NRG3: variants seen among roughly 807,000 people sequenced by gnomAD.
NRG3 encodes pro-neuregulin-3, membrane-bound isoform.
A neutral mutation model predicts 66.9 loss-of-function variants in NRG3; 31 were observed. That is an observed-to-expected ratio of 0.46 (90% confidence interval 0.35 to 0.63). The LOEUF is 0.63. Ranked by LOEUF, NRG3 falls within the 20% of genes least tolerant of loss-of-function variation. The pLI, the probability that NRG3 is intolerant of heterozygous loss-of-function variation, is 0.00. For missense variants in NRG3, 910 were observed against 878.9 expected, an observed-to-expected ratio of 1.04 and a Z score of -0.45; for synonymous variants, 393 against 359.4, an observed-to-expected ratio of 1.09 and a Z score of -1.06.
intron 2 of NRG3, among the ~76,000 whole-genome samples, chr10:82,699,940 G>A (rs1304795539): frequency 2.6e-5 from 4 of 152,016 alleles, no homozygotes; most frequent in Non-Finnish European, 2.9e-5. Flanking sequence ...CTTGGTCTAT[G>A]CATTGACTCA....
intron 2 of NRG3, among the ~76,000 whole-genome samples, chr10:82,575,613 G>GCTC (rs1444580646): frequency 6.6e-5 from 10 of 151,612 alleles, no homozygotes; most frequent in African/African-American, 2.4e-4. Context: ...CGTTCCTTTG[G>GCTC]CACAGTTGTT....
intron 3 of NRG3, among the ~76,000 whole-genome samples, chr10:82,815,455 A>T (rs1016968228): frequency 2.0e-5 from 3 of 152,088 alleles, no homozygotes; most frequent in Admixed American, 6.6e-5. Flanking sequence ...GTTTCTTTAA[A>T]TTTTTTGTGT....
chr10:82,198,922 G>A (rs963706913), intron 1 of NRG3, among the ~76,000 whole-genome samples: 1 of 150,658 alleles, frequency 6.6e-6, no homozygotes, highest in Non-Finnish European at 1.5e-5. Flanking sequence ...GCTTGAACCC[G>A]GGAGGCGGAG....
intron 1 of NRG3, among the ~76,000 whole-genome samples, chr10:82,340,093 C>T (rs981512451): frequency 1.3e-5 from 2 of 151,944 alleles, no homozygotes; most frequent in Non-Finnish European, 2.9e-5. Flanking sequence ...TTGTTTGCAC[C>T]GTGATTTGCA....
rs73306193 is a variant in NRG3 at position 82,430,132 on chromosome 10, A to C, written c.953+71264A>C. 1.9e-3 allele frequency among the ~76,000 whole-genome samples: 293 copies of C among 152,288 alleles called. 2 individuals carry two copies. Among genetic ancestry groups the C allele is most frequent in the African/African-American group, 6.9e-3 (286 of 41,570 alleles). ...TTTTACTTCTTTAAACATATTTATA[A>C]TAGGTCATTCAATGTCTTTTTCTAG... On this transcript the variant is annotated intron_variant, in intron 2 of 8. Transcript: ENST00000372141.
chr10:82,401,361 ATATG>A (rs1281533464), intron 2 of NRG3, among the ~76,000 whole-genome samples: 1 of 150,682 alleles, frequency 6.6e-6, no homozygotes. Context: ...GTATATATGA[ATATG>A]TATGTGTATA....
intron 2 of NRG3, among the ~76,000 whole-genome samples, chr10:82,556,814 C>A (rs774048186): frequency 6.6e-6 from 1 of 152,054 alleles, no homozygotes; most frequent in Non-Finnish European, 1.5e-5. Context: ...TGAAGTAGAT[C>A]CCAGTGTCTG....
intron 3 of NRG3, among the ~76,000 whole-genome samples, chr10:82,773,135 T>C (rs1360449288): frequency 6.6e-6 from 1 of 152,184 alleles, no homozygotes; most frequent in Non-Finnish European, 1.5e-5. Context: ...ATGGTTGTTC[T>C]GTTTTTAATT....
intron 1 of NRG3, among the ~76,000 whole-genome samples, chr10:82,336,519 CT>C (rs2082395279): frequency 4.9e-5 from 7 of 143,588 alleles, no homozygotes; most frequent in African/African-American, 1.7e-4. Context: ...TTCTTTCTTT[CT>C]TTTCTTTTCT....
intron 6 of NRG3, among the ~76,000 whole-genome samples, chr10:82,967,143 A>G (rs1851288373): frequency 6.7e-6 from 1 of 148,880 alleles, no homozygotes; most frequent in African/African-American, 2.4e-5. Flanking sequence ...GATTTTATAT[A>G]TATATATATG....
intron 1 of NRG3, among the ~76,000 whole-genome samples, chr10:82,015,532 G>A (rs2061750460): frequency 6.6e-6 from 1 of 152,020 alleles, no homozygotes; most frequent in African/African-American, 2.4e-5. Flanking sequence ...CATGGGGGTG[G>A]TTTCCCCCAT....
At chr10:82,324,117 G>A (rs58079933) in intron 1 of NRG3, among the ~76,000 whole-genome samples, 3 of 152,208 alleles carry the variant, frequency 2.0e-5, no homozygotes, top group Non-Finnish European at 2.9e-5. Context: ...CACCTGCCTC[G>A]GCTTCCCAGG....
chr10:82,648,717 T>G (rs1248723623), intron 2 of NRG3, among the ~76,000 whole-genome samples: 2 of 152,192 alleles, frequency 1.3e-5, no homozygotes, highest in Non-Finnish European at 2.9e-5. Context: ...GAAGAGGTCC[T>G]TCACGTCCCT....
intron 1 of NRG3, among the ~76,000 whole-genome samples, chr10:81,962,019 A>G (rs1463550757): frequency 2.0e-5 from 3 of 152,206 alleles, no homozygotes; most frequent in Non-Finnish European, 2.9e-5. Context: ...CTTCAGCCCT[A>G]TTAAGCCAAA....
intron 1 of NRG3, among the ~76,000 whole-genome samples, chr10:82,114,681 A>G (rs564032938): frequency 6.6e-6 from 1 of 152,176 alleles, no homozygotes; most frequent in Non-Finnish European, 1.5e-5. Context: ...ATATTTGGTC[A>G]TACTAGAAAA....
chr10:82,246,639 G>A (rs192965026), intron 1 of NRG3, among the ~76,000 whole-genome samples: 1 of 152,290 alleles, frequency 6.6e-6, no homozygotes, highest in African/African-American at 2.4e-5. Context: ...GACCAAAAGA[G>A]GGGTTAAATA....
At chr10:82,194,402 G>T (rs987069190) in intron 1 of NRG3, among the ~76,000 whole-genome samples, 6 of 152,126 alleles carry the variant, frequency 3.9e-5, no homozygotes, top group African/African-American at 1.4e-4. Flanking sequence ...GTGGGAGGTG[G>T]AGTGCTTTGA....
At chr10:82,685,087 A>C (rs780669633) in intron 2 of NRG3, among the ~76,000 whole-genome samples, 1 of 152,152 alleles carries the variant, frequency 6.6e-6, no homozygotes, top group African/African-American at 2.4e-5. Flanking sequence ...AATAAGAAAA[A>C]ATATGAAAAA....
intron 2 of NRG3, among the ~76,000 whole-genome samples, chr10:82,465,695 G>T (rs144377674): frequency 3.8e-4 from 58 of 152,278 alleles, no homozygotes; most frequent in African/African-American, 1.4e-3. Flanking sequence ...GTGGGGGGCA[G>T]CAGAACAGAA....
Sources: allele counts gnomAD v4.1 joint callset (sites outside exome capture counted in the v4.1 genomes callset), GRCh38; gene constraint gnomAD v4.1.1; transcripts MANE v1.5; gene names NCBI Gene and HGNC (gene_info 2026-07-23, HGNC 2026-07-21).